Variants in CCDC39 observed in about 807,000 individuals in gnomAD.
CCDC39 encodes the protein coiled-coil domain-containing protein 39.
A neutral mutation model predicts 121.0 loss-of-function variants in CCDC39; 113 were observed. The ratio of observed to expected loss-of-function variants is 0.93; its 90% CI spans 0.80 to 1.09. The LOEUF is 1.09. Among genes scored for constraint, CCDC39 ranks in the 50% least tolerant of loss-of-function variants. CCDC39 has a pLI of 0.00. For missense variants in CCDC39, 1,063 were observed against 1,074.7 expected, an observed-to-expected ratio of 0.99 and a Z score of 0.15; for synonymous variants, 349 against 352.2, an observed-to-expected ratio of 0.99 and a Z score of 0.10.
chr3:180,623,831 ATTTT>A (rs569893967), intron 14 of CCDC39, among the ~76,000 whole-genome samples: 1 of 146,442 alleles, frequency 6.8e-6, no homozygotes, highest in East Asian at 2.0e-4. Context: ...TTTTTTTTTT[ATTTT>A]TTTTGAGACT....
At chr3:180,677,168 T>TTTATA (rs373676653) in intron 1 of CCDC39, among the ~76,000 whole-genome samples, 5 of 35,172 alleles carry the variant, frequency 1.4e-4, no homozygotes, top group African/African-American at 3.0e-4. Flanking sequence ...AATAATAATT[T>TTTATA]TATATATATA....
chr3:180,631,841 G>T (rs904195882), intron 13 of CCDC39, among the ~76,000 whole-genome samples: 16 of 152,184 alleles, frequency 1.1e-4, no homozygotes, highest in African/African-American at 3.6e-4. Flanking sequence ...AATTCAGTGT[G>T]AAGGATCTGA....
Position 180,629,682 on chromosome 3 carries a change from G to A in CCDC39, c.1998+1787C>T, listed in dbSNP as rs1576936358. Among the ~76,000 whole-genome samples the A allele has an allele frequency of 2.6e-5, 4 of 152,264 alleles. No individual in the cohort carries two copies. The South Asian group carries it at 6.2e-4, about 24-fold the overall frequency. On this transcript the variant is annotated intron_variant, in intron 14 of 19. Coordinates refer to ENST00000476379, the MANE Select transcript of CCDC39 (RefSeq NM_181426.2). Reference sequence around the variant, plus strand: ...TTGTGAAGTGTTACCAGTAAAAAGTGTAAACATGCTATACAACAACAACAA... The same window carrying A: ...TTGTGAAGTGTTACCAGTAAAAAGTATAAACATGCTATACAACAACAACAA...
chr3:180,641,870 A>AT (rs1262038010), intron 13 of CCDC39, 123 bp downstream of exon 13: 5 of 587,338 alleles, frequency 8.5e-6, no homozygotes, highest in Non-Finnish European at 1.4e-5. Context: ...TGTCTTTCTT[A>AT]TATGAAAAGC....
At position 180,661,891 on chromosome 3, in the gene CCDC39, A is replaced by T. The variant is rs1388193795; in HGVS notation, c.327T>A (p.Ala109=). 2 of 1,587,726 alleles carry T rather than the reference A, an allele frequency of 1.3e-6. No individual in the cohort carries two copies. Among genetic ancestry groups the T allele is most frequent in the Admixed American group, 1.8e-5 (1 of 55,994 alleles). ...TATCACTTTTCTTTTCCAGTATTGA[A>T]GCCATCTCATTTTCCAGCCGTTGAA... is the stretch of plus-strand genomic sequence containing the variant. The part of the protein sequence containing the change: ...DEIQRLENEM[A]SILEKKSDKE... Residue 109 remains alanine (A), a synonymous_variant, in exon 3 of 20, where the codon GCT becomes GCA. Coordinates refer to ENST00000476379, the MANE Select transcript of CCDC39 (RefSeq NM_181426.2).
At chr3:180,666,346 A>G (rs1408740654) in intron 1 of CCDC39, among the ~76,000 whole-genome samples, 1 of 152,128 alleles carries the variant, frequency 6.6e-6, no homozygotes, top group Non-Finnish European at 1.5e-5. Flanking sequence ...TTTTATGGGT[A>G]TGTTTTAAGG....
At chr3:180,638,138 T>C (rs985921764) in intron 13 of CCDC39, among the ~76,000 whole-genome samples, 6 of 151,994 alleles carry the variant, frequency 3.9e-5, no homozygotes, top group African/African-American at 1.4e-4. Context: ...AACTTTAAAA[T>C]GACAAAATGC....
intron 19 of CCDC39, 101 bp from the exon 20 acceptor site, chr3:180,615,178 C>A: frequency 4.7e-6 from 4 of 849,136 alleles, no homozygotes; most frequent in Non-Finnish European, 7.0e-6. Context: ...TAAGTAAAGA[C>A]ATCAAAAAAG....
chr3:180,633,608 A>C (rs892520020), intron 13 of CCDC39, among the ~76,000 whole-genome samples: 3 of 152,178 alleles, frequency 2.0e-5, no homozygotes, highest in Non-Finnish European at 4.4e-5. Flanking sequence ...AATATCTGAG[A>C]AAGTAAAATA....
intron 13 of CCDC39, among the ~76,000 whole-genome samples, chr3:180,639,076 A>G (rs1717896475): frequency 6.6e-6 from 1 of 152,158 alleles, no homozygotes; most frequent in Admixed American, 6.5e-5. Context: ...AAATGTATAA[A>G]TCAACTGGAG....
chr3:180,644,019 T>C, intron 12 of CCDC39, 101 bp downstream of exon 12: 1 of 824,158 alleles, frequency 1.2e-6, no homozygotes. Context: ...GTGATTATAG[T>C]GACATTTTCT....
intron 1 of CCDC39, among the ~76,000 whole-genome samples, chr3:180,670,635 T>G (rs1201984429): frequency 7.0e-6 from 1 of 141,926 alleles, no homozygotes; most frequent in Non-Finnish European, 1.5e-5. Context: ...TGCCTTTTTT[T>G]TCTCTTTTTT....
intron 7 of CCDC39, among the ~76,000 whole-genome samples, chr3:180,654,543 C>A (rs1204126563): frequency 6.6e-6 from 1 of 150,396 alleles, no homozygotes; most frequent in African/African-American, 2.4e-5. Flanking sequence ...AACCATTTAC[C>A]TGTGATGTGA....
At chr3:180,662,089 T>A in intron 2 of CCDC39, 82 bp from the exon 3 acceptor site, 2 of 1,333,016 alleles carry the variant, frequency 1.5e-6, no homozygotes, top group Non-Finnish European at 2.0e-6. Context: ...TCCATTAGAT[T>A]AAAACAAAGT....
At position 180,660,616 on chromosome 3, in the gene CCDC39, G is replaced by A. The variant is rs770405043; in HGVS notation, c.470C>T (p.Ala157Val). The change falls in exon 4 of 20, where the codon GCT becomes GTT. Residue 157 changes from alanine (A) to valine (V), a missense_variant. By Grantham distance (64) the Ala-to-Val change is moderately conservative. Coordinates refer to ENST00000476379, the MANE Select transcript of CCDC39 (RefSeq NM_181426.2). Reference protein sequence around the residue: ...LEESAHKDSDALTLQKYAQQD... With the variant: ...LEESAHKDSDVLTLQKYAQQD... ...TTGTGCATACTTCTGGAGAGTGAGA[G>A]CATCACTATCTTTATGAGCTGATTC... is the stretch of plus-strand genomic sequence containing the variant. The A allele has an allele frequency of 1.6e-5, 26 of 1,601,222 alleles. No individual in the cohort carries two copies. The highest frequency in any genetic ancestry group is 2.0e-5 in the Non-Finnish European group (24 of 1,172,728).
rs1227339700 is a variant in CCDC39 at position 180,614,683 on chromosome 3, G to GC, written c.*237dup. 2.5e-6 allele frequency: 1 copy of GC among 406,452 alleles called. No individual in the cohort carries two copies. The highest frequency in any genetic ancestry group is 4.3e-6 in the Non-Finnish European group (1 of 230,006). 25.2% of individuals were successfully genotyped at this position (406,452 alleles called of 1,614,324 possible). On this transcript the variant is annotated 3_prime_UTR_variant, in exon 20 of 20. Transcript: ENST00000476379. ...AACATCAGAATTACAGTGAAATACAGCATTTTTCCTATGCTTGTATAACAT... is the reference window on the plus strand; with the variant it reads ...AACATCAGAATTACAGTGAAATACAGCCATTTTTCCTATGCTTGTATAACAT...
intron 6 of CCDC39, among the ~76,000 whole-genome samples, chr3:180,655,508 C>T (rs116775232): frequency 7.0e-4 from 103 of 147,792 alleles, no homozygotes; most frequent in African/African-American, 2.4e-3. Flanking sequence ...CATTAGTCGA[C>T]ATTATACTTT....
At position 180,619,259 on chromosome 3, in the gene CCDC39, C is replaced by G. The variant is rs1717356640; in HGVS notation, c.2265G>C (p.Gln755His). 1 of 1,470,042 alleles carries G rather than the reference C, an allele frequency of 6.8e-7. No individual in the cohort carries two copies. Among genetic ancestry groups the G allele is most frequent in the Non-Finnish European group, 9.3e-7 (1 of 1,073,968 alleles). 91.1% of individuals were successfully genotyped at this position (1,470,042 alleles called of 1,614,324 possible). Residue 755 changes from glutamine to histidine, a missense_variant and splice_region_variant, in exon 16 of 20, where the codon CAG becomes CAC. Transcript: ENST00000476379. ...RQIRELQEDI[Q>H]SMENTLDVIE... ...TACTAAAAATGCCTGTAGAATTTAC[C>G]TGGATGTCTTCTTGAAGTTCTCTGA...
chr3:180,677,010 C>T (rs182294980), intron 1 of CCDC39, among the ~76,000 whole-genome samples: 2,592 of 149,908 alleles, frequency 0.017, 58 homozygotes, highest in African/African-American at 0.051. Context: ...GTGTGGGCAG[C>T]GGGGAGGGAT....
Sources: gnomAD v4.1 joint callset for allele counts (sites outside exome capture counted in the v4.1 genomes callset) on GRCh38, gnomAD v4.1.1 for gene constraint, MANE v1.5 for transcripts, NCBI Gene and HGNC (gene_info 2026-07-23, HGNC 2026-07-21) for gene names.